MAGI1: variants seen among roughly 807,000 people sequenced by gnomAD.
MAGI1 encodes the protein membrane associated guanylate kinase, WW and PDZ domain containing 1, also known as membrane-associated guanylate kinase, WW and PDZ domain-containing protein 1.
Under a neutral mutation model 139.9 loss-of-function variants are expected in MAGI1, and 58 were observed. The ratio of observed to expected loss-of-function variants is 0.41; its 90% confidence interval spans 0.34 to 0.52. The LOEUF is 0.52. MAGI1 is among the 20% of genes least tolerant of loss of function. The pLI is 0.12. For synonymous variants in MAGI1, 812 were observed against 737.9 expected (o/e 1.10, Z -1.63); for missense variants, 1,874 against 1,901.6 (o/e 0.99, Z 0.27).
At chr3:65,564,951 T>C (rs2080540877) in intron 2 of MAGI1, among the ~76,000 whole-genome samples, 1 of 152,182 alleles carries the variant, frequency 6.6e-6, no homozygotes, top group South Asian at 2.1e-4. Context: ...ATCTCCTGAA[T>C]ACTCTTACCC....
At chr3:65,714,723 C>G (rs1218072993) in intron 1 of MAGI1, among the ~76,000 whole-genome samples, 1 of 151,982 alleles carries the variant, frequency 6.6e-6, no homozygotes, top group African/African-American at 2.4e-5. Flanking sequence ...AAATCAAGTC[C>G]TCAATCATTT....
rs988128813 is a variant in MAGI1 at position 65,509,031 on chromosome 3, G to C, written c.431-15400C>G. Among the ~76,000 whole-genome samples, 8 of 152,298 alleles carry C rather than the reference G, an allele frequency of 5.3e-5. 1 individual carries two copies. The Middle Eastern group carries it at 0.014, about 259-fold the overall frequency. On this transcript the variant is annotated intron_variant, in intron 2 of 22. Transcript: ENST00000402939. ...CATGATCCTGGAGCTCTTACAAGAA[G>C]TTTTCACCAGATACTTGCCTCTTAA...
intron 13 of MAGI1, among the ~76,000 whole-genome samples, chr3:65,394,135 T>C (rs578220008): frequency 1.2e-4 from 19 of 152,304 alleles, no homozygotes; most frequent in African/African-American, 4.6e-4. Context: ...ATCCCTGACA[T>C]GGAAGAACCT....
chr3:65,630,434 CA>C (rs1320531594), intron 1 of MAGI1, among the ~76,000 whole-genome samples: 12 of 152,178 alleles, frequency 7.9e-5, no homozygotes, highest in African/African-American at 2.4e-4. Flanking sequence ...AGAGAAACAG[CA>C]TGAAGCTCAG....
rs566980589 is a variant in MAGI1 at position 65,701,533 on chromosome 3, G to A, written c.314-79445C>T. ...CTCCCAAAATGCTAGGATTACAGCC[G>A]TGAGTCACCGCGCCCAGTCCCAAGT... On this transcript the variant is annotated intron_variant, in intron 1 of 22. Coordinates refer to ENST00000402939, the MANE Select transcript of MAGI1 (RefSeq NM_001033057.2). Among the ~76,000 whole-genome samples the A allele has an allele frequency of 7.9e-5, 12 of 152,220 alleles. No homozygotes were observed. In the South Asian group the frequency reaches 1.5e-3, roughly 18 times the overall value.
At chr3:65,869,745 A>T (rs1270591904) in intron 1 of MAGI1, among the ~76,000 whole-genome samples, 1 of 152,142 alleles carries the variant, frequency 6.6e-6, no homozygotes, top group African/African-American at 2.4e-5. Flanking sequence ...ACAACAGAGC[A>T]TGGCACATAG....
intron 1 of MAGI1, among the ~76,000 whole-genome samples, chr3:65,856,429 T>A (rs1183711598): frequency 6.6e-6 from 1 of 152,142 alleles, no homozygotes; most frequent in East Asian, 1.9e-4. Context: ...TGACACTCAA[T>A]GTCCTACTCA....
At chr3:65,810,860 C>T (rs2041186176) in intron 1 of MAGI1, among the ~76,000 whole-genome samples, 1 of 152,198 alleles carries the variant, frequency 6.6e-6, no homozygotes, top group African/African-American at 2.4e-5. Context: ...TTAGCTCTTT[C>T]CTCTTTCTCT....
At chr3:65,795,884 C>A (rs141254288) in intron 1 of MAGI1, among the ~76,000 whole-genome samples, 227 of 151,844 alleles carry the variant, frequency 1.5e-3, no homozygotes, top group African/African-American at 5.1e-3. Flanking sequence ...AACCCCGTCT[C>A]TACTAAAAAC....
In MAGI1 at chr3:65,759,908, A is replaced by C. The variant is rs1438535747; in HGVS notation, c.314-137820T>G. 5.9e-5 allele frequency among the ~76,000 whole-genome samples: 9 copies of C among 152,166 alleles called. No individual in the cohort carries two copies. The South Asian group carries it at 1.4e-3, about 25-fold the overall frequency. On this transcript the variant is annotated intron_variant, in intron 1 of 22. Transcript: ENST00000402939. Reference sequence around the variant, plus strand: ...GGGGCTCTAGAATTAGCCTGGATTCAAATTTTGGCTCTAGTGTGTAACTAG... The same window carrying C: ...GGGGCTCTAGAATTAGCCTGGATTCCAATTTTGGCTCTAGTGTGTAACTAG...
chr3:65,737,242 T>A (rs775602219), intron 1 of MAGI1, among the ~76,000 whole-genome samples: 3 of 152,174 alleles, frequency 2.0e-5, no homozygotes, highest in Non-Finnish European at 2.9e-5. Context: ...CCTGACCTCG[T>A]GATCCACCTG....
chr3:65,839,324 C>G (rs1397598690), intron 1 of MAGI1, among the ~76,000 whole-genome samples: 1 of 152,130 alleles, frequency 6.6e-6, no homozygotes, highest in Non-Finnish European at 1.5e-5. Context: ...ACAGTGCATA[C>G]CTGATAATTA....
chr3:65,552,075 A>T (rs1198673703), intron 2 of MAGI1, among the ~76,000 whole-genome samples: 3 of 152,198 alleles, frequency 2.0e-5, no homozygotes, highest in Non-Finnish European at 4.4e-5. Flanking sequence ...ATATTAGGTC[A>T]TTCATTGTTT....
At chr3:66,015,940 A>G (rs1446732522) in intron 1 of MAGI1, among the ~76,000 whole-genome samples, 2 of 152,210 alleles carry the variant, frequency 1.3e-5, no homozygotes, top group African/African-American at 4.8e-5. Context: ...AATCGAAAGG[A>G]AATAACATGA....
At chr3:65,556,764 G>A (rs760584532) in intron 2 of MAGI1, among the ~76,000 whole-genome samples, 1 of 152,064 alleles carries the variant, frequency 6.6e-6, no homozygotes, top group Admixed American at 6.6e-5. Flanking sequence ...CCAACACAAA[G>A]TAAATCTGAC....
intron 2 of MAGI1, among the ~76,000 whole-genome samples, chr3:65,493,882 TAGAG>T (rs1553653438): frequency 6.6e-6 from 1 of 152,126 alleles, no homozygotes. Context: ...CTGGGTAACC[TAGAG>T]AGAGTTTTAT....
chr3:65,507,147 C>T (rs4441596), intron 2 of MAGI1, among the ~76,000 whole-genome samples: 47,102 of 152,078 alleles, frequency 0.31, 8,893 homozygotes, highest in East Asian at 0.73. Flanking sequence ...TATAGTACTA[C>T]CTGTGCATGG....
At chr3:65,566,184 G>T (rs2080627432) in intron 2 of MAGI1, among the ~76,000 whole-genome samples, 1 of 151,908 alleles carries the variant, frequency 6.6e-6, no homozygotes, top group South Asian at 2.1e-4. Flanking sequence ...AACCCAGGAG[G>T]TGGAGGCTGC....
intron 12 of MAGI1, among the ~76,000 whole-genome samples, chr3:65,426,187 C>CTG (rs1474939057): frequency 2.0e-5 from 3 of 152,122 alleles, no homozygotes; most frequent in African/African-American, 7.2e-5. Context: ...CAAATCAGGA[C>CTG]TGGTCCCGGC....
Sources: allele counts gnomAD v4.1 joint callset (sites outside exome capture counted in the v4.1 genomes callset), GRCh38; gene constraint gnomAD v4.1.1; transcripts MANE v1.5; gene names NCBI Gene and HGNC (gene_info 2026-07-23, HGNC 2026-07-21).